Variants in GLRA1 observed in about 807,000 individuals in gnomAD.
The protein encoded by GLRA1 is glycine receptor alpha 1, also known as glycine receptor subunit alpha-1.
A neutral mutation model predicts 48.3 loss-of-function variants in GLRA1; 37 were observed. That is an observed-to-expected ratio of 0.77 (90% CI 0.59 to 1.01). The LOEUF is 1.01. Ranked by LOEUF, GLRA1 falls within the 50% of genes least tolerant of loss-of-function variation. The probability of loss-of-function intolerance (pLI) is 0.00; values close to 1 mark genes in which losing one functional copy is unlikely to be tolerated. For missense variants in GLRA1, 427 were observed against 571.0 expected (o/e 0.75, Z 2.57); for synonymous variants, 196 against 210.7 (o/e 0.93, Z 0.60).
In GLRA1 at chr5:151,829,081, G is replaced by T. The variant is rs373113309; in HGVS notation, c.913-14C>A. 78 of 1,613,120 alleles carry T rather than the reference G, an allele frequency of 4.8e-5. No individual in the cohort carries two copies. In the African/African-American group the frequency reaches 1.0e-3, roughly 21 times the overall value. ...CACATAGGACACCTAGAGTGGGGGTGGAGGAGAAACAGGGAGGTGAAAGCA... is the reference window on the plus strand; with the variant it reads ...CACATAGGACACCTAGAGTGGGGGTTGAGGAGAAACAGGGAGGTGAAAGCA... On this transcript the variant is annotated splice_polypyrimidine_tract_variant and intron_variant, in intron 7 of 8. Transcript: ENST00000274576.
chr5:151,899,588 T>G (rs1333842064), intron 1 of GLRA1, among the ~76,000 whole-genome samples: 3 of 152,094 alleles, frequency 2.0e-5, no homozygotes, highest in African/African-American at 7.2e-5. Context: ...ACTTGGGGAT[T>G]GTTGTGCAGC....
At chr5:151,836,014 C>CA (rs1763569979) in intron 7 of GLRA1, among the ~76,000 whole-genome samples, 1 of 152,160 alleles carries the variant, frequency 6.6e-6, no homozygotes, top group South Asian at 2.1e-4. Context: ...GAGAGGAAGT[C>CA]AAATTATATC....
intron 1 of GLRA1, among the ~76,000 whole-genome samples, chr5:151,919,912 T>C (rs1206441993): frequency 6.6e-6 from 1 of 152,130 alleles, no homozygotes; most frequent in Admixed American, 6.5e-5. Context: ...ATGAAGGAAA[T>C]AAAGTTAATG....
At chr5:151,849,541 CCTCT>C (rs1752844317) in intron 7 of GLRA1, 1 of 131,356 alleles carries the variant, frequency 7.6e-6, no homozygotes, top group Non-Finnish European at 1.6e-5. Context: ...TTCTTTCTGT[CCTCT>C]CTCTCTCTTT....
At chr5:151,831,178 C>T (rs952183913) in intron 7 of GLRA1, among the ~76,000 whole-genome samples, 5 of 152,228 alleles carry the variant, frequency 3.3e-5, no homozygotes, top group Non-Finnish European at 7.3e-5. Context: ...CCCTCGGGTG[C>T]CTGTGCCACC....
At chr5:151,864,232 C>T (rs1753276711) in intron 3 of GLRA1, among the ~76,000 whole-genome samples, 1 of 152,064 alleles carries the variant, frequency 6.6e-6, no homozygotes, top group Admixed American at 6.6e-5. Context: ...GCCTTCAGTC[C>T]CCAAGCCCCA....
At chr5:151,824,796 T>TA (rs1484605664) in intron 8 of GLRA1, among the ~76,000 whole-genome samples, 1 of 152,216 alleles carries the variant, frequency 6.6e-6, no homozygotes, top group Non-Finnish European at 1.5e-5. Flanking sequence ...GTCTGTCTCT[T>TA]ACTAGATTAT....
chr5:151,857,767 C>G (rs17112284), intron 4 of GLRA1, among the ~76,000 whole-genome samples: 7,184 of 152,300 alleles, frequency 0.047, 594 homozygotes, highest in African/African-American at 0.16. Context: ...GCAGCTCAAG[C>G]TGGAATACAA....
At chr5:151,893,316 C>A (rs1217167815) in intron 1 of GLRA1, among the ~76,000 whole-genome samples, 1 of 146,246 alleles carries the variant, frequency 6.8e-6, no homozygotes, top group East Asian at 2.0e-4. Flanking sequence ...TTCTTTCTTT[C>A]TTTCTTTCTT....
chr5:151,909,972 G>A (rs1754569696), intron 1 of GLRA1, among the ~76,000 whole-genome samples: 1 of 152,008 alleles, frequency 6.6e-6, no homozygotes, highest in African/African-American at 2.4e-5. Context: ...TCACCCTGAT[G>A]AGAGTATGTA....
At chr5:151,908,125 G>A (rs543036724) in intron 1 of GLRA1, among the ~76,000 whole-genome samples, 1 of 152,182 alleles carries the variant, frequency 6.6e-6, no homozygotes, top group Non-Finnish European at 1.5e-5. Flanking sequence ...GCAGCATCCT[G>A]TCTCCTCCCA....
intron 3 of GLRA1, among the ~76,000 whole-genome samples, chr5:151,886,415 A>G (rs956605446): frequency 6.6e-5 from 10 of 152,234 alleles, no homozygotes; most frequent in Non-Finnish European, 1.0e-4. Context: ...GTTAAACTTA[A>G]AAACAGGTCT....
chr5:151,850,707 C>A, intron 7 of GLRA1: 1 of 1,149,030 alleles, frequency 8.7e-7, no homozygotes, highest in Non-Finnish European at 1.3e-6. Flanking sequence ...CCCTCTGCCA[C>A]TGCGAACCCT....
rs188598977 is a variant in GLRA1, at chr5:151,919,972, G to A, written c.56+4522C>T. Among the ~76,000 whole-genome samples, 272 of 152,364 alleles carry A rather than the reference G, an allele frequency of 1.8e-3. 3 individuals carry two copies. In the South Asian group the frequency reaches 0.025, roughly 14 times the overall value. On this transcript the variant is annotated intron_variant, in intron 1 of 8. Transcript: ENST00000274576. ...CGCAGGACGCGCGAACAGGCTGCCTGGAGGGGAGCTCTGTGGGTCCTCTGA... is the reference window on the plus strand; with the variant it reads ...CGCAGGACGCGCGAACAGGCTGCCTAGAGGGGAGCTCTGTGGGTCCTCTGA...
intron 6 of GLRA1, among the ~76,000 whole-genome samples, chr5:151,854,715 C>T (rs1386419952): frequency 6.6e-6 from 1 of 152,200 alleles, no homozygotes; most frequent in African/African-American, 2.4e-5. Flanking sequence ...ATTGGAAATG[C>T]CAGTTCATCT....
chr5:151,856,221 C>G, intron 5 of GLRA1, 80 bp downstream of exon 5: 4 of 894,398 alleles, frequency 4.5e-6, no homozygotes, highest in African/African-American at 1.6e-5. Flanking sequence ...TGGTTAGGAG[C>G]AGCTGTGTGG....
rs1290511489 is a variant in GLRA1, at chr5:151,924,811, TTTG to T, written c.-265_-263del. ...TTCAGGAGCGCGAAGAGTATTGCTG[TTTG>T]TTAAACTCCAGCGTGTCTGTTGGCT... On this transcript the variant is annotated 5_prime_UTR_variant, in exon 1 of 9. Coordinates refer to ENST00000274576, the MANE Select transcript of GLRA1 (RefSeq NM_000171.4). The T allele has an allele frequency of 9.8e-5, 55 of 561,938 alleles. No individual in the cohort carries two copies. The highest frequency in any genetic ancestry group is 9.3e-4 in the African/African-American group (49 of 52,914). 34.8% of individuals were successfully genotyped at this position (561,938 alleles called of 1,614,324 possible).
At chr5:151,839,854 C>T (rs1431141577) in intron 7 of GLRA1, among the ~76,000 whole-genome samples, 2 of 152,184 alleles carry the variant, frequency 1.3e-5, no homozygotes, top group African/African-American at 2.4e-5. Context: ...TGATTTTGGA[C>T]TTCCCAGGTT....
chr5:151,850,647 T>C (rs1041732056), intron 7 of GLRA1: 2 of 1,393,378 alleles, frequency 1.4e-6, no homozygotes, highest in African/African-American at 2.8e-5. Flanking sequence ...AACATACACA[T>C]TCCCTGGACT....
Sources: allele counts gnomAD v4.1 joint callset (sites outside exome capture counted in the v4.1 genomes callset), GRCh38; gene constraint gnomAD v4.1.1; transcripts MANE v1.5; gene names NCBI Gene and HGNC (gene_info 2026-07-23, HGNC 2026-07-21).